RGS3: variants seen among roughly 807,000 people sequenced by gnomAD.
RGS3 encodes regulator of G-protein signalling 3.
A neutral mutation model predicts 132.6 loss-of-function variants in RGS3; 80 were observed. That is an observed-to-expected ratio of 0.60 (90% CI 0.50 to 0.73). The LOEUF is 0.73. Among genes scored for constraint, RGS3 ranks in the 30% least tolerant of loss-of-function variants. RGS3 has a pLI of 0.00. For missense variants in RGS3, 1,382 were observed against 1,530.8 expected (o/e 0.90, Z 1.62); for synonymous variants, 598 against 620.6 (o/e 0.96, Z 0.54).
intron 10 of RGS3, among the ~76,000 whole-genome samples, chr9:113,500,743 C>T (rs1033365123): frequency 5.3e-5 from 8 of 150,482 alleles, no homozygotes; most frequent in Non-Finnish European, 8.9e-5. Context: ...GCTGGAGTAC[C>T]GTGGCATGAT....
At chr9:113,593,060 G>T (rs1369325236) in intron 21 of RGS3, 1 of 152,192 alleles carries the variant, frequency 6.6e-6, no homozygotes, top group African/African-American at 2.4e-5. Context: ...TGGCCTGCTG[G>T]CTTCTGTTTG....
At chr9:113,589,853 G>A (rs1835328411) in intron 20 of RGS3, 1 of 152,210 alleles carries the variant, frequency 6.6e-6, no homozygotes, top group Non-Finnish European at 1.5e-5. Flanking sequence ...CTATGCCTAA[G>A]CCATAGCTAA....
intron 17 of RGS3, among the ~76,000 whole-genome samples, chr9:113,525,418 G>A (rs993097080): frequency 3.3e-5 from 5 of 152,142 alleles, no homozygotes; most frequent in Non-Finnish European, 7.4e-5. Flanking sequence ...AGTGTTCTGA[G>A]TCCTGGCGTC....
intron 10 of RGS3, chr9:113,501,402 CA>C: frequency 7.0e-7 from 1 of 1,437,206 alleles, no homozygotes; most frequent in African/African-American, 1.4e-5. Context: ...GCTTATCGTG[CA>C]GAGGCACACA....
chr9:113,526,437 A>G (rs1329430910), intron 17 of RGS3, among the ~76,000 whole-genome samples: 5 of 152,154 alleles, frequency 3.3e-5, no homozygotes, highest in African/African-American at 1.2e-4. Flanking sequence ...GGAGGGGTAG[A>G]AGTGTGACAT....
chr9:113,575,740 A>G (rs921570709), intron 19 of RGS3, among the ~76,000 whole-genome samples: 1 of 152,226 alleles, frequency 6.6e-6, no homozygotes, highest in Non-Finnish European at 1.5e-5. Flanking sequence ...TCAGTCAGAA[A>G]GAAGTAAAAA....
At chr9:113,457,133 C>T (rs1829381331), upstream of RGS3, among the ~76,000 whole-genome samples, 2 of 152,162 alleles carry the variant, frequency 1.3e-5, no homozygotes, top group South Asian at 4.1e-4. Flanking sequence ...TACTTTCTTG[C>T]ATATTACTGA....
chr9:113,501,210 C>T lies in RGS3; in HGVS notation c.897+3130C>T, dbSNP rs551322545. ...AGCAGCCACGTTTTCTGCCTGGGTT[C>T]TCCTCCAGTGAGGGGTGTTTGTGAG... On this transcript the variant is annotated intron_variant, in intron 10 of 24. Coordinates refer to ENST00000350696, the Ensembl canonical transcript of RGS3. 2.8e-3 allele frequency among the ~76,000 whole-genome samples: 429 copies of T among 152,298 alleles called. 2 individuals carry two copies. The highest frequency in any genetic ancestry group is 0.013 in the South Asian group (64 of 4,826).
At position 113,506,621 on chromosome 9, in the gene RGS3, C is replaced by T; in HGVS notation, c.1085+128C>T. The T allele has an allele frequency of 1.6e-6, 1 of 636,096 alleles. No homozygotes were observed. The highest frequency in any genetic ancestry group is 2.8e-6 in the Non-Finnish European group (1 of 353,582). The allele number at this position is 636,096 out of a possible 1,614,324, so 39.4% of individuals were successfully genotyped here. A position where few individuals can be genotyped will look rare whatever the true frequency, so the allele number is the denominator to read the frequency against. Reference sequence around the variant, plus strand: ...TTTGCCTAGCTGTGAGCAGGCAATTCCTTTTGCTCTTCAAGGAATCTGTTT... The same window carrying T: ...TTTGCCTAGCTGTGAGCAGGCAATTTCTTTTGCTCTTCAAGGAATCTGTTT... On this transcript the variant is annotated intron_variant, in intron 12 of 24. Transcript: ENST00000350696. The surrounding 1 kb of genome is among the most constrained non-coding windows in gnomAD (Gnocchi z 4.7).
At chr9:113,588,557 C>T (rs1835245587) in intron 20 of RGS3, among the ~76,000 whole-genome samples, 1 of 152,218 alleles carries the variant, frequency 6.6e-6, no homozygotes, top group African/African-American at 2.4e-5. Context: ...TCAAACTGCC[C>T]TGGGCATCTG....
intron 19 of RGS3, among the ~76,000 whole-genome samples, chr9:113,542,785 G>C (rs1489855378): frequency 6.6e-6 from 1 of 152,206 alleles, no homozygotes; most frequent in East Asian, 1.9e-4. Context: ...GCCTTAGCAG[G>C]GGCTGCTGTG....
rs570152940 is a variant in RGS3, at chr9:113,536,930, G to A, written c.2037+12G>A. The A allele has an allele frequency of 6.2e-7, 1 of 1,612,600 alleles. No individual in the cohort carries two copies. Among genetic ancestry groups the A allele is most frequent in the East Asian group, 2.2e-5 (1 of 44,866 alleles). ...CCCCGGACAGCAAGGTAAGGGCCTT[G>A]ACAGTGGCTGTGGCCTGGCTGCCTC... On this transcript the variant is annotated intron_variant, in intron 19 of 24. Transcript: ENST00000350696.
At chr9:113,530,632 C>T (rs1318812952) in intron 18 of RGS3, among the ~76,000 whole-genome samples, 1 of 152,224 alleles carries the variant, frequency 6.6e-6, no homozygotes, top group African/African-American at 2.4e-5. Flanking sequence ...GAGCTTCCTT[C>T]CAGGTTGGGT....
At chr9:113,504,799 A>G (rs934934452) in intron 10 of RGS3, among the ~76,000 whole-genome samples, 3 of 152,254 alleles carry the variant, frequency 2.0e-5, no homozygotes, top group Non-Finnish European at 4.4e-5. Context: ...CACATGAGTC[A>G]GTGGCTAGTT....
chr9:113,536,555 C>T, intron 18 of RGS3: 2 of 1,308,454 alleles, frequency 1.5e-6, no homozygotes, highest in Non-Finnish European at 9.8e-7. Context: ...GAGCCACTGC[C>T]TTCCTCCCCT....
At chr9:113,541,311 G>A (rs544256492) in intron 19 of RGS3, 3 of 1,612,520 alleles carry the variant, frequency 1.9e-6, no homozygotes, top group Admixed American at 1.7e-5. Context: ...GTTCTGTCTG[G>A]TTCCACAGAA....
At chr9:113,595,020 C>T in intron 23 of RGS3, 40 bp downstream of exon 21, 1 of 1,588,892 alleles carries the variant, frequency 6.3e-7, no homozygotes, top group Non-Finnish European at 8.6e-7. Flanking sequence ...TGCCCTCTCT[C>T]CCTCTCCCCT....
chr9:113,585,302 A>G lies in RGS3; in HGVS notation c.3015+875A>G, dbSNP rs192239428. 7.5e-4 allele frequency among the ~76,000 whole-genome samples: 115 copies of G among 152,344 alleles called. 2 individuals carry two copies. Among genetic ancestry groups the G allele is most frequent in the Middle Eastern group, 3.4e-3 (1 of 294 alleles). ...GAGTCACTCAACTCCTCTGAGCCAT[A>G]GTTTTCTTCTCTGAAAAGTAGGGGT... is the stretch of plus-strand genomic sequence containing the variant. On this transcript the variant is annotated intron_variant, in intron 20 of 24. Transcript: ENST00000350696.
upstream of RGS3, among the ~76,000 whole-genome samples, chr9:113,456,809 T>C (rs909974089): frequency 1.3e-5 from 2 of 151,596 alleles, no homozygotes; most frequent in Non-Finnish European, 2.9e-5. Flanking sequence ...ATTTATTTAT[T>C]TTTTTTTTGA....
Sources: gnomAD v4.1 joint callset for allele counts (sites outside exome capture counted in the v4.1 genomes callset) on GRCh38, gnomAD v4.1.1 for gene constraint, Gnocchi (gnomAD v3.1) non-coding constraint, MANE v1.5 for transcripts, NCBI Gene and HGNC (gene_info 2026-07-23, HGNC 2026-07-21) for gene names.